Variants in RIN3 observed in about 807,000 individuals in gnomAD.
RIN3 encodes Ras and Rab interactor 3, also known as RAB5 interacting protein 3.
RIN3 carries 54 observed loss-of-function variants against 76.3 expected under a neutral mutation model. The ratio of observed to expected loss-of-function variants is 0.71; its 90% CI spans 0.57 to 0.89. RIN3 has a LOEUF of 0.89. RIN3 is among the 40% of genes least tolerant of loss of function. The pLI, the probability that RIN3 is intolerant of heterozygous loss-of-function variation, is 0.00. For synonymous variants in RIN3, 576 were observed against 564.0 expected (o/e 1.02, Z -0.30); for missense variants, 1,256 against 1,322.1 (o/e 0.95, Z 0.78).
rs555321398 is a variant in RIN3, at chr14:92,667,345, C to T, written c.2335+7876C>T. 5.3e-5 allele frequency among the ~76,000 whole-genome samples: 8 copies of T among 152,124 alleles called. No individual in the cohort carries two copies. In the East Asian group the frequency reaches 1.4e-3, roughly 26 times the overall value. On this transcript the variant is annotated intron_variant, in intron 7 of 9. Coordinates refer to ENST00000216487, the MANE Select transcript of RIN3 (RefSeq NM_024832.5). ...CAGCCTGACCAACATGGTGAAACTC[C>T]GTCTCTACCAAAAATACAAAAATTA...
In RIN3 at chr14:92,688,202, G is replaced by A. The variant is rs1888949382; in HGVS notation, c.2908G>A (p.Gly970Ser). Residue 970 changes from glycine to serine, a missense_variant, in exon 10 of 10, where the codon GGC becomes AGC. Physicochemically the swap from Gly to Ser is moderately conservative, Grantham distance 56. Coordinates refer to ENST00000216487, the MANE Select transcript of RIN3 (RefSeq NM_024832.5). ...GCCCCTGGACGGTGGTGGCGGCGGC[G>A]GCGGCGGGAGCCCGCCCTGCCTGGT... ...YRPLDGGGGGGGGSPPCLVVR... is the reference protein window; with the variant it reads ...YRPLDGGGGGSGGSPPCLVVR... The A allele has an allele frequency of 6.2e-7, 1 of 1,606,414 alleles. No homozygotes were observed. Among genetic ancestry groups the A allele is most frequent in the Non-Finnish European group, 8.5e-7 (1 of 1,177,580 alleles).
At chr14:92,556,763 T>C (rs1309587633) in intron 2 of RIN3, among the ~76,000 whole-genome samples, 1 of 152,230 alleles carries the variant, frequency 6.6e-6, no homozygotes, top group Non-Finnish European at 1.5e-5. Context: ...GTGATACACA[T>C]ATGTGTTCAT....
intron 2 of RIN3, among the ~76,000 whole-genome samples, chr14:92,571,971 A>C (rs1365114714): frequency 6.6e-6 from 1 of 152,208 alleles, no homozygotes; most frequent in Non-Finnish European, 1.5e-5. Flanking sequence ...AGGGGGCATA[A>C]GGCAGAGTGA....
At position 92,644,499 on chromosome 14, in the gene RIN3, C is replaced by T. The variant is rs188200024; in HGVS notation, c.532+3170C>T. 17 of 152,038 alleles carry T rather than the reference C, an allele frequency of 1.1e-4. No homozygotes were observed. In the East Asian group the frequency reaches 3.3e-3, roughly 29 times the overall value. 9.4% of individuals were successfully genotyped at this position (152,038 alleles called of 1,614,324 possible). A position where few individuals can be genotyped will look rare whatever the true frequency, so the allele number is the denominator to read the frequency against. ...CTTCTCTCCTGGGAGAGTTTGATCT[C>T]AGGCACGAGGAGGAAGTGGAGAAGG... On this transcript the variant is annotated intron_variant, in intron 5 of 9. Transcript: ENST00000216487.
Position 92,547,043 on chromosome 14 carries a change from T to A in RIN3, c.45-8708T>A, listed in dbSNP as rs1267119907. 5.7e-5 allele frequency among the ~76,000 whole-genome samples: 7 copies of A among 123,002 alleles called. 1 individual carries two copies. In the South Asian group the frequency reaches 1.6e-3, roughly 28 times the overall value. The allele number at this position is 123,002 out of a possible 152,430, so 80.7% of individuals were successfully genotyped here. A position where few individuals can be genotyped will look rare whatever the true frequency, so the allele number is the denominator to read the frequency against. ...AATATAATTATTATTTTATTTTATT[T>A]TATTATAATAAAATAAATTATATTT... On this transcript the variant is annotated intron_variant, in intron 1 of 9. Coordinates refer to ENST00000216487, the MANE Select transcript of RIN3 (RefSeq NM_024832.5).
chr14:92,545,288 T>C (rs1897234799), intron 1 of RIN3, among the ~76,000 whole-genome samples: 1 of 151,770 alleles, frequency 6.6e-6, no homozygotes, highest in Non-Finnish European at 1.5e-5. Flanking sequence ...TTTTTTGTAT[T>C]TTTAATAGAG....
intron 1 of RIN3, among the ~76,000 whole-genome samples, chr14:92,529,612 G>C (rs1043410369): frequency 6.6e-6 from 1 of 152,190 alleles, no homozygotes; most frequent in Non-Finnish European, 1.5e-5. Context: ...CAGTTGTCCG[G>C]CGGGCACATT....
At chr14:92,660,708 A>T (rs1395780852) in intron 7 of RIN3, among the ~76,000 whole-genome samples, 1 of 152,220 alleles carries the variant, frequency 6.6e-6, no homozygotes, top group Non-Finnish European at 1.5e-5. Context: ...AGTGAGGAAC[A>T]TTTCCCCTCT....
intron 3 of RIN3, among the ~76,000 whole-genome samples, chr14:92,597,709 G>A (rs1046665701): frequency 2.6e-5 from 4 of 152,088 alleles, no homozygotes; most frequent in African/African-American, 9.7e-5. Context: ...TTATATCATG[G>A]TCTTAGGACT....
chr14:92,678,220 A>C (rs1275567055), intron 8 of RIN3, among the ~76,000 whole-genome samples: 4 of 143,962 alleles, frequency 2.8e-5, no homozygotes, highest in Admixed American at 2.7e-4. Flanking sequence ...CCATTCACCC[A>C]CCCATCCATC....
intron 5 of RIN3, chr14:92,651,044 C>A (rs904246104): frequency 3.3e-5 from 5 of 152,714 alleles, no homozygotes; most frequent in African/African-American, 1.2e-4. Context: ...CATATAATAA[C>A]CATGGAGGCC....
chr14:92,603,437 G>A (rs150147174), intron 3 of RIN3, among the ~76,000 whole-genome samples: 45 of 152,218 alleles, frequency 3.0e-4, no homozygotes, highest in Non-Finnish European at 4.9e-4. Context: ...ATCCTCTGTC[G>A]GGGAGGCCTT....
chr14:92,599,620 A>C (rs528668703), intron 3 of RIN3, among the ~76,000 whole-genome samples: 1 of 152,114 alleles, frequency 6.6e-6, no homozygotes, highest in East Asian at 1.9e-4. Context: ...CAAATACTTG[A>C]CAAGAAAGAT....
At chr14:92,661,616 C>T (rs1330490544) in intron 7 of RIN3, among the ~76,000 whole-genome samples, 2 of 152,032 alleles carry the variant, frequency 1.3e-5, no homozygotes, top group Non-Finnish European at 2.9e-5. Flanking sequence ...CCCAGCTACT[C>T]AGGAGGCTGG....
At chr14:92,577,331 C>A in intron 2 of RIN3, 29 bp from the exon 3 acceptor site, 1 of 1,516,606 alleles carries the variant, frequency 6.6e-7, no homozygotes, top group Non-Finnish European at 9.1e-7. Context: ...CTTTAATTCA[C>A]GGAGCTGCAT....
chr14:92,627,978 A>T (rs748500953), intron 4 of RIN3, among the ~76,000 whole-genome samples: 1 of 152,254 alleles, frequency 6.6e-6, no homozygotes, highest in African/African-American at 2.4e-5. Context: ...TCCCTGAAGC[A>T]GACCCTGTTC....
intron 2 of RIN3, among the ~76,000 whole-genome samples, chr14:92,576,855 A>G (rs1898255877): frequency 2.6e-5 from 4 of 152,114 alleles, no homozygotes; most frequent in Admixed American, 2.6e-4. Context: ...TTTCAGGGGA[A>G]AAAATGGTGT....
intron 4 of RIN3, among the ~76,000 whole-genome samples, chr14:92,637,769 T>C (rs1886827368): frequency 6.6e-6 from 1 of 152,212 alleles, no homozygotes; most frequent in African/African-American, 2.4e-5. Flanking sequence ...TAGCTCCTTT[T>C]CCTTAAAAAA....
intron 7 of RIN3, among the ~76,000 whole-genome samples, chr14:92,661,662 T>TG (rs905777578): frequency 6.7e-6 from 1 of 150,098 alleles, no homozygotes; most frequent in African/African-American, 2.5e-5. Context: ...AGGCAGACGT[T>TG]GCAGTGAGCC....
Sources: gnomAD v4.1 joint callset for allele counts (sites outside exome capture counted in the v4.1 genomes callset) on GRCh38, gnomAD v4.1.1 for gene constraint, MANE v1.5 for transcripts, NCBI Gene and HGNC (gene_info 2026-07-23, HGNC 2026-07-21) for gene names.